The following RARA variants were observed in gnomAD, a reference collection of about 807,000 sequenced individuals.
RARA encodes retinoic acid receptor alpha, also known as PML-DDX5-RARA fusion.
RARA carries 5 observed loss-of-function variants against 42.8 expected under a neutral mutation model. That is an observed-to-expected ratio of 0.12 (90% CI 0.06 to 0.25). RARA has a LOEUF of 0.25. RARA is among the 10% of genes least tolerant of loss of function. The probability of loss-of-function intolerance (pLI) is 1.00; values close to 1 mark genes in which losing one functional copy is unlikely to be tolerated. For missense variants in RARA, 402 were observed against 628.7 expected, an observed-to-expected ratio of 0.64 and a Z score of 3.86; for synonymous variants, 256 against 259.5, an observed-to-expected ratio of 0.99 and a Z score of 0.13.
Position 40,354,601 on chromosome 17 carries a change from T to C in RARA, c.1012+95T>C, listed in dbSNP as rs373668846. On this transcript the variant is annotated intron_variant, in intron 7 of 8. Coordinates refer to ENST00000254066, the MANE Select transcript of RARA (RefSeq NM_000964.4). The surrounding 1 kb of genome is among the most constrained non-coding windows in gnomAD (Gnocchi z 4.5). The stretch of plus-strand genomic sequence containing the variant: ...GCTCTTTCAGGCCACCTCTGTTAGG[T>C]ATCTCTAGAGGGCAGGGTCTGGTCT... The C allele has an allele frequency of 1.4e-6, 2 of 1,414,032 alleles. No homozygotes were observed. Among genetic ancestry groups the C allele is most frequent in the South Asian group, 1.3e-5 (1 of 78,480 alleles). 87.6% of individuals were successfully genotyped at this position (1,414,032 alleles called of 1,614,324 possible).
At chr17:40,315,102 A>G (rs550858670) in intron 1 of RARA, among the ~76,000 whole-genome samples, 15 of 129,850 alleles carry the variant, frequency 1.2e-4, no homozygotes, top group South Asian at 7.2e-4. Flanking sequence ...GGTTATATGT[A>G]TATATATATA....
At chr17:40,316,572 CAGGT>C (rs2033218041) in intron 1 of RARA, among the ~76,000 whole-genome samples, 1 of 152,192 alleles carries the variant, frequency 6.6e-6, no homozygotes, top group Admixed American at 6.5e-5. Context: ...GGAAGGAAGA[CAGGT>C]AGGATCTAGG....
In RARA at chr17:40,356,108, G is replaced by A; in HGVS notation, c.1271G>A (p.Ser424Asn). 1 of 649,908 alleles carries A rather than the reference G, an allele frequency of 1.5e-6. No homozygotes were observed. The highest frequency in any genetic ancestry group is 2.6e-6 in the Non-Finnish European group (1 of 383,574). The allele number at this position is 649,908 out of a possible 1,614,324, so 40.3% of individuals were successfully genotyped here. ...LENSEGLDTLSGQPGGGGRDG... is the reference protein window; with the variant it reads ...LENSEGLDTLNGQPGGGGRDG... ...AACTCAGAGGGCCTGGACACTCTGA[G>A]CGGACAGCCGGGGGGTGGGGGGCGG... Residue 424 changes from serine (S) to asparagine (N), a missense_variant, in exon 9 of 9, where the codon AGC becomes AAC. This residue lies in a region of RARA where 73 missense variants were observed against 59.8 expected (regional missense o/e 1.22). Transcript: ENST00000254066.
chr17:40,331,041 C>A lies in RARA; in HGVS notation c.-178C>A, dbSNP rs2033677301. On this transcript the variant is annotated 5_prime_UTR_variant, in exon 2 of 9. Transcript: ENST00000254066. ...ACCTGGCCCCCAGCTAGGGTGGGGG[C>A]TCCAGGAGACTGAGATTAGCCTGCC... 6 of 666,624 alleles carry A rather than the reference C, an allele frequency of 9.0e-6. No homozygotes were observed. In the South Asian group the frequency reaches 1.3e-4, roughly 14 times the overall value. The allele number at this position is 666,624 out of a possible 1,614,324, so 41.3% of individuals were successfully genotyped here. A position where few individuals can be genotyped will look rare whatever the true frequency, so the allele number is the denominator to read the frequency against.
At chr17:40,321,829 C>G (rs534213454) in intron 1 of RARA, among the ~76,000 whole-genome samples, 24 of 152,292 alleles carry the variant, frequency 1.6e-4, no homozygotes, top group Middle Eastern at 6.8e-3. Context: ...CTCCACCCCC[C>G]CAACTGGATA....
intron 1 of RARA, among the ~76,000 whole-genome samples, chr17:40,313,625 C>T (rs1055055524): frequency 6.6e-6 from 1 of 152,146 alleles, no homozygotes; most frequent in Non-Finnish European, 1.5e-5. Flanking sequence ...AGTTCAGACC[C>T]ACCTGGAAGG....
Position 40,326,244 on chromosome 17 carries a change from C to T in RARA, c.-362-4613C>T, listed in dbSNP as rs948676433. On this transcript the variant is annotated intron_variant, in intron 1 of 8. Transcript: ENST00000254066. This position sits in a 1 kb window ranked among gnomAD's most constrained non-coding sequence, Gnocchi z 5.2. ...ATGGGGATGGAGGGCTCCAGTTGCCCGGGCCTCCCCTGTGCCAAGCTCTGG... is the reference window on the plus strand; with the variant it reads ...ATGGGGATGGAGGGCTCCAGTTGCCTGGGCCTCCCCTGTGCCAAGCTCTGG... 9.8e-5 allele frequency among the ~76,000 whole-genome samples: 15 copies of T among 152,352 alleles called. No individual in the cohort carries two copies. In the South Asian group the frequency reaches 2.3e-3, roughly 23 times the overall value.
At chr17:40,327,802 T>C (rs1314324991) in intron 1 of RARA, among the ~76,000 whole-genome samples, 1 of 152,210 alleles carries the variant, frequency 6.6e-6, no homozygotes, top group Non-Finnish European at 1.5e-5. Flanking sequence ...GATGAGGTTC[T>C]GCCAGCCTCT....
At chr17:40,325,909 C>T (rs115303176) in intron 1 of RARA, among the ~76,000 whole-genome samples, 328 of 152,304 alleles carry the variant, frequency 2.2e-3, no homozygotes, top group African/African-American at 7.4e-3. Flanking sequence ...GGGTCCCCTG[C>T]TCTTCTGTCC....
At chr17:40,339,364 A>G (rs2033954520) in intron 2 of RARA, among the ~76,000 whole-genome samples, 1 of 152,214 alleles carries the variant, frequency 6.6e-6, no homozygotes, top group Non-Finnish European at 1.5e-5. Context: ...AGCCCTGAGA[A>G]GGAGCTGAGG....
intron 2 of RARA, chr17:40,343,036 C>G: frequency 7.5e-7 from 1 of 1,340,738 alleles, no homozygotes; most frequent in Non-Finnish European, 9.7e-7. Flanking sequence ...GCCGCACCCT[C>G]CCCCCAGTAA....
At chr17:40,331,869 A>G (rs1441315664) in intron 2 of RARA, among the ~76,000 whole-genome samples, 1 of 151,812 alleles carries the variant, frequency 6.6e-6, no homozygotes, top group Non-Finnish European at 1.5e-5. Context: ...GCTGGCTGGA[A>G]CCCCACCTCT....
rs189693055 is a variant in RARA, at chr17:40,350,139, C to T, written c.469+214C>T. 595 of 644,350 alleles carry T rather than the reference C, an allele frequency of 9.2e-4. 2 individuals carry two copies. Among genetic ancestry groups the T allele is most frequent in the Non-Finnish European group, 1.3e-3 (494 of 386,686 alleles). The allele number at this position is 644,350 out of a possible 1,614,324, so 39.9% of individuals were successfully genotyped here. On this transcript the variant is annotated intron_variant, in intron 4 of 8. Transcript: ENST00000254066. The stretch of plus-strand genomic sequence containing the variant: ...TGTGTCCACGGGCAGGTCTGTGCTC[C>T]GGGACCGTGTATGTGTAACCATTCC...
intron 2 of RARA, chr17:40,343,165 GC>G (rs2034135582): frequency 3.0e-6 from 1 of 329,338 alleles, no homozygotes; most frequent in Non-Finnish European, 5.2e-6. Context: ...CAAGCCCCTT[GC>G]CCCCAGTTTA....
At chr17:40,346,273 C>T (rs1343789912) in intron 2 of RARA, among the ~76,000 whole-genome samples, 4 of 152,122 alleles carry the variant, frequency 2.6e-5, no homozygotes, top group Non-Finnish European at 5.9e-5. Flanking sequence ...CATGACTCCC[C>T]ATACCCTAGC....
At chr17:40,334,393 T>TC (rs2033786576) in intron 2 of RARA, among the ~76,000 whole-genome samples, 1 of 152,146 alleles carries the variant, frequency 6.6e-6, no homozygotes, top group South Asian at 2.1e-4. Flanking sequence ...CCCAGACCCT[T>TC]AGCTTCTGAG....
At position 40,356,318 on chromosome 17, in the gene RARA, C is replaced by G. The variant is rs1434567249; in HGVS notation, c.*92C>G. On this transcript the variant is annotated 3_prime_UTR_variant, in exon 9 of 9. Coordinates refer to ENST00000254066, the MANE Select transcript of RARA (RefSeq NM_000964.4). ...ATGTGACCCCGCACCAGCCCTGCCC[C>G]CACCTGCCCTCCCGGGCAGTACTGG... 5 of 1,354,624 alleles carry G rather than the reference C, an allele frequency of 3.7e-6. No individual in the cohort carries two copies. The highest frequency in any genetic ancestry group is 5.1e-6 in the Non-Finnish European group (5 of 976,970). The allele number at this position is 1,354,624 out of a possible 1,614,324, so 83.9% of individuals were successfully genotyped here. A position where few individuals can be genotyped will look rare whatever the true frequency, so the allele number is the denominator to read the frequency against.
intron 2 of RARA, among the ~76,000 whole-genome samples, chr17:40,346,359 G>C (rs534744483): frequency 6.6e-6 from 1 of 152,010 alleles, no homozygotes; most frequent in Non-Finnish European, 1.5e-5. Context: ...GTTCATTTTA[G>C]AAGTGGGGCC....
At chr17:40,336,670 G>A (rs950477292) in intron 2 of RARA, among the ~76,000 whole-genome samples, 1 of 136,816 alleles carries the variant, frequency 7.3e-6, no homozygotes, top group African/African-American at 2.8e-5. Flanking sequence ...TTACAGGCAT[G>A]AGCCACCGCG....
Sources: gnomAD v4.1 joint callset for allele counts (sites outside exome capture counted in the v4.1 genomes callset) on GRCh38, gnomAD v4.1.1 for gene constraint, gnomAD v4.1.1 regional missense constraint, Gnocchi (gnomAD v3.1) non-coding constraint, MANE v1.5 for transcripts, NCBI Gene and HGNC (gene_info 2026-07-23, HGNC 2026-07-21) for gene names.